ZNF516: variants seen among roughly 807,000 people sequenced by gnomAD.
ZNF516 encodes zinc finger protein 516.
Under a neutral mutation model 79.7 loss-of-function variants are expected in ZNF516, and 19 were observed. The ratio of observed to expected loss-of-function variants is 0.24; its 90% CI spans 0.17 to 0.35. ZNF516 has a LOEUF of 0.35. ZNF516 is among the 10% of genes least tolerant of loss of function. ZNF516 has a pLI of 1.00. For synonymous variants in ZNF516, 877 were observed against 739.5 expected, an observed-to-expected ratio of 1.19 and a Z score of -3.02; for missense variants, 1,678 against 1,679.5, an observed-to-expected ratio of 1.00 and a Z score of 0.02.
intron 3 of ZNF516, among the ~76,000 whole-genome samples, chr18:76,429,343 A>G (rs1285319067): frequency 6.6e-6 from 1 of 152,204 alleles, no homozygotes; most frequent in African/African-American, 2.4e-5. Flanking sequence ...CAGATAAAAG[A>G]CAACAAGCTC....
At chr18:76,444,659 AAAG>A (rs1305806162) in intron 2 of ZNF516, among the ~76,000 whole-genome samples, 1 of 152,158 alleles carries the variant, frequency 6.6e-6, no homozygotes, top group Non-Finnish European at 1.5e-5. Flanking sequence ...GGGACACAGA[AAAG>A]AATACTGATA....
intron 2 of ZNF516, among the ~76,000 whole-genome samples, chr18:76,454,974 C>A (rs1912630239): frequency 6.6e-6 from 1 of 152,190 alleles, no homozygotes; most frequent in Admixed American, 6.5e-5. Context: ...TAAAACGTAA[C>A]AAGGCATAAT....
At chr18:76,469,597 A>G (rs72983912) in intron 1 of ZNF516, among the ~76,000 whole-genome samples, 6,838 of 152,292 alleles carry the variant, frequency 0.045, 161 homozygotes, top group Middle Eastern at 0.071. Context: ...AAAGTATGGT[A>G]ACTTTAGTCT....
At chr18:76,455,440 T>G (rs940178971) in intron 2 of ZNF516, among the ~76,000 whole-genome samples, 2 of 152,206 alleles carry the variant, frequency 1.3e-5, no homozygotes, top group Non-Finnish European at 2.9e-5. Flanking sequence ...TGCAAGGCAC[T>G]GCTCAGGGAC....
At chr18:76,424,942 AAC>A (rs201213941) in intron 3 of ZNF516, among the ~76,000 whole-genome samples, 4 of 144,122 alleles carry the variant, frequency 2.8e-5, no homozygotes, top group South Asian at 2.3e-4. Context: ...TCCCCCATGA[AAC>A]ACATGCAGGT....
At chr18:76,461,252 C>T (rs1295864716) in intron 2 of ZNF516, among the ~76,000 whole-genome samples, 2 of 152,188 alleles carry the variant, frequency 1.3e-5, no homozygotes, top group Non-Finnish European at 2.9e-5. Context: ...AACCAAGCTC[C>T]TCCTGGACAC....
At chr18:76,371,380 T>TC in intron 5 of ZNF516, 87 bp downstream of exon 5, 1 of 1,326,536 alleles carries the variant, frequency 7.5e-7, no homozygotes, top group African/African-American at 1.4e-5. Context: ...TCTCAGTATC[T>TC]CCCTCGCTGC....
At chr18:76,398,053 G>A (rs545319660) in intron 3 of ZNF516, among the ~76,000 whole-genome samples, 261 of 152,280 alleles carry the variant, frequency 1.7e-3, no homozygotes, top group Middle Eastern at 6.8e-3. Flanking sequence ...GACAGCTTTC[G>A]GTTAAACAGC....
intron 3 of ZNF516, among the ~76,000 whole-genome samples, chr18:76,418,631 A>G (rs2075467649): frequency 6.6e-6 from 1 of 152,238 alleles, no homozygotes; most frequent in South Asian, 2.1e-4. Flanking sequence ...AAAAAAAACC[A>G]TTAAGAAATA....
intron 2 of ZNF516, among the ~76,000 whole-genome samples, chr18:76,457,941 T>G (rs1485587580): frequency 6.6e-6 from 1 of 152,232 alleles, no homozygotes; most frequent in Non-Finnish European, 1.5e-5. Flanking sequence ...CTTTTACTTC[T>G]GCAGAGATAA....
chr18:76,450,465 A>G (rs1271432113), intron 2 of ZNF516, among the ~76,000 whole-genome samples: 1 of 152,058 alleles, frequency 6.6e-6, no homozygotes. Flanking sequence ...AATCGTCTGA[A>G]TAATAGGAAC....
In ZNF516 at chr18:76,368,169, G is replaced by T. The variant is rs554392442; in HGVS notation, c.3432+2359C>A. On this transcript the variant is annotated intron_variant, in intron 6 of 6. Transcript: ENST00000443185. ...TCTTAAATTTAACACAGCTATTGTG[G>T]TTTCTGTAAACAATGAGAATTATAG... Among the ~76,000 whole-genome samples, 264 of 152,198 alleles carry T rather than the reference G, an allele frequency of 1.7e-3. 3 individuals carry two copies. The South Asian group carries it at 0.021, about 12-fold the overall frequency.
At chr18:76,391,559 CCTCT>C (rs200649373) in intron 3 of ZNF516, among the ~76,000 whole-genome samples, 2,349 of 152,342 alleles carry the variant, frequency 0.015, 30 homozygotes, top group Middle Eastern at 0.041. Context: ...CTAACCGCTC[CCTCT>C]GTCGCTGTGG....
intron 1 of ZNF516, among the ~76,000 whole-genome samples, chr18:76,463,482 C>A (rs1425054235): frequency 6.6e-6 from 1 of 152,252 alleles, no homozygotes; most frequent in Non-Finnish European, 1.5e-5. Context: ...AAAATGTCAC[C>A]AGGGAACACC....
intron 1 of ZNF516, chr18:76,491,008 G>A: frequency 5.1e-6 from 5 of 985,316 alleles, no homozygotes; most frequent in Non-Finnish European, 6.0e-6. Context: ...CCAAGCCCGG[G>A]TGCCCACCGC....
intron 2 of ZNF516, among the ~76,000 whole-genome samples, chr18:76,444,286 G>A (rs1240244498): frequency 6.6e-6 from 1 of 152,192 alleles, no homozygotes; most frequent in African/African-American, 2.4e-5. Flanking sequence ...CTGCTCATCT[G>A]CTCATCTCTG....
At chr18:76,447,889 G>A (rs111348822) in intron 2 of ZNF516, among the ~76,000 whole-genome samples, 4 of 152,190 alleles carry the variant, frequency 2.6e-5, no homozygotes, top group African/African-American at 9.6e-5. Context: ...ATGTGAGTGT[G>A]TGTGAGTGTG....
At chr18:76,425,109 G>A (rs1488905371) in intron 3 of ZNF516, among the ~76,000 whole-genome samples, 1 of 152,060 alleles carries the variant, frequency 6.6e-6, no homozygotes, top group Non-Finnish European at 1.5e-5. Flanking sequence ...TGACTCGGAA[G>A]GGCCTTATCT....
At chr18:76,468,983 G>C (rs1374322329) in intron 1 of ZNF516, among the ~76,000 whole-genome samples, 1 of 152,128 alleles carries the variant, frequency 6.6e-6, no homozygotes, top group Non-Finnish European at 1.5e-5. Flanking sequence ...AGAAGCACTT[G>C]GGGAGAGCCT....
Sources: gnomAD v4.1 joint callset for allele counts (sites outside exome capture counted in the v4.1 genomes callset) on GRCh38, gnomAD v4.1.1 for gene constraint, MANE v1.5 for transcripts, NCBI Gene and HGNC (gene_info 2026-07-23, HGNC 2026-07-21) for gene names.